LDLRAD4: variants seen among roughly 807,000 people sequenced by gnomAD.
LDLRAD4 encodes the protein low-density lipoprotein receptor class A domain-containing protein 4.
In LDLRAD4, 5 loss-of-function variants were observed where a neutral mutation model predicts 17.0. The ratio of observed to expected loss-of-function variants is 0.29; its 90% CI spans 0.15 to 0.62. The LOEUF is 0.62. Among genes scored for constraint, LDLRAD4 ranks in the 20% least tolerant of loss-of-function variants. The pLI, the probability that LDLRAD4 is intolerant of heterozygous loss-of-function variation, is 0.84. For synonymous variants in LDLRAD4, 168 were observed against 171.8 expected, an observed-to-expected ratio of 0.98 and a Z score of 0.17; for missense variants, 340 against 424.7, an observed-to-expected ratio of 0.80 and a Z score of 1.75.
At chr18:13,329,063 G>C (rs1264174644) in intron 1 of LDLRAD4, among the ~76,000 whole-genome samples, 1 of 152,158 alleles carries the variant, frequency 6.6e-6, no homozygotes, top group Non-Finnish European at 1.5e-5. Context: ...GGATACACCA[G>C]ATTTTTTAAC....
At chr18:13,230,249 T>TA (rs1324667786) in intron 1 of LDLRAD4, among the ~76,000 whole-genome samples, 1 of 152,118 alleles carries the variant, frequency 6.6e-6, no homozygotes, top group Admixed American at 6.5e-5. Context: ...CCACCAGAAC[T>TA]AGGAGCAACA....
chr18:13,277,385 G>A (rs1202685075), upstream of LDLRAD4, among the ~76,000 whole-genome samples: 2 of 152,162 alleles, frequency 1.3e-5, no homozygotes, highest in Non-Finnish European at 2.9e-5. Context: ...AGCTCGAGGC[G>A]GTCACCCGAG....
At chr18:13,566,240 C>T (rs1216324750) in intron 3 of LDLRAD4, among the ~76,000 whole-genome samples, 3 of 152,192 alleles carry the variant, frequency 2.0e-5, no homozygotes, top group African/African-American at 7.2e-5. Context: ...GGACAGTAAG[C>T]TATCCCTTGG....
At chr18:13,345,501 T>G (rs1285085311) in intron 1 of LDLRAD4, among the ~76,000 whole-genome samples, 1 of 152,190 alleles carries the variant, frequency 6.6e-6, no homozygotes, top group African/African-American at 2.4e-5. Context: ...TTATTGAGGA[T>G]TTTTGCATTG....
At chr18:13,301,845 G>C (rs898537689) in intron 1 of LDLRAD4, among the ~76,000 whole-genome samples, 1 of 152,148 alleles carries the variant, frequency 6.6e-6, no homozygotes, top group African/African-American at 2.4e-5. Flanking sequence ...TGAGGTGGGC[G>C]TCATTGGGCA....
intron 1 of LDLRAD4, among the ~76,000 whole-genome samples, chr18:13,357,935 AATT>A (rs544431533): frequency 7.1e-4 from 108 of 152,222 alleles, no homozygotes; most frequent in African/African-American, 2.3e-3. Flanking sequence ...GATCCATCAC[AATT>A]ATTATTATTA....
chr18:13,264,375 C>G (rs115420400), intron 1 of LDLRAD4, among the ~76,000 whole-genome samples: 9 of 152,198 alleles, frequency 5.9e-5, no homozygotes, highest in African/African-American at 2.2e-4. Flanking sequence ...GTCTGCAGAC[C>G]GTTAGACAGT....
intron 3 of LDLRAD4, among the ~76,000 whole-genome samples, chr18:13,499,157 C>T (rs188030925): frequency 3.3e-4 from 47 of 141,272 alleles, no homozygotes; most frequent in African/African-American, 6.6e-4. Flanking sequence ...CTCACACACA[C>T]GTCGCGCCGT....
At chr18:13,294,822 TA>T (rs11362104) in intron 1 of LDLRAD4, among the ~76,000 whole-genome samples, 31,595 of 134,828 alleles carry the variant, frequency 0.23, 3,287 homozygotes, top group Middle Eastern at 0.33. Flanking sequence ...TGTAAAATAG[TA>T]AAAAAAAAAA....
chr18:13,619,514 C>CTGG (rs1491433531), intron 3 of LDLRAD4, among the ~76,000 whole-genome samples: 2 of 11,344 alleles, frequency 1.8e-4, no homozygotes, highest in African/African-American at 5.2e-4. Context: ...GGGGGTGGGG[C>CTGG]CGGGGGGGGG....
At chr18:13,351,125 T>C (rs898449367) in intron 1 of LDLRAD4, among the ~76,000 whole-genome samples, 3 of 152,234 alleles carry the variant, frequency 2.0e-5, no homozygotes, top group Non-Finnish European at 2.9e-5. Flanking sequence ...TCTTTTTTGG[T>C]TCCATATGAA....
At chr18:13,284,432 G>A (rs929136323) in intron 1 of LDLRAD4, among the ~76,000 whole-genome samples, 13 of 152,114 alleles carry the variant, frequency 8.5e-5, no homozygotes, top group Admixed American at 2.6e-4. Flanking sequence ...ACTCAAATGC[G>A]CTAGCAGCTC....
chr18:13,530,937 A>G (rs2094118393), intron 3 of LDLRAD4, among the ~76,000 whole-genome samples: 1 of 152,194 alleles, frequency 6.6e-6, no homozygotes, highest in East Asian at 1.9e-4. Context: ...GAAGGACTAT[A>G]TTCTAAACAC....
At chr18:13,284,002 G>A (rs1389013201) in intron 1 of LDLRAD4, among the ~76,000 whole-genome samples, 1 of 152,144 alleles carries the variant, frequency 6.6e-6, no homozygotes, top group Non-Finnish European at 1.5e-5. Flanking sequence ...AATGGCACAG[G>A]AAAGGCCCTC....
At chr18:13,642,928 G>GTTTTTTTTTTTT (rs113846373) in intron 4 of LDLRAD4, among the ~76,000 whole-genome samples, 1 of 133,788 alleles carries the variant, frequency 7.5e-6, no homozygotes, top group African/African-American at 2.9e-5. Context: ...TCTATTTTTT[G>GTTTTTTTTTTTT]TTTTTTTTTT....
chr18:13,224,474 CTTTTTTTTTTT>C (rs10676168), intron 1 of LDLRAD4, among the ~76,000 whole-genome samples: 7 of 87,886 alleles, frequency 8.0e-5, no homozygotes, highest in East Asian at 3.5e-4. Context: ...TTCTTTCTTT[CTTTTTTTTTTT>C]TTTTTTTTTT....
intron 3 of LDLRAD4, among the ~76,000 whole-genome samples, chr18:13,494,910 A>G (rs958979151): frequency 1.3e-5 from 2 of 150,924 alleles, no homozygotes; most frequent in African/African-American, 4.9e-5. Context: ...TTGTTACACT[A>G]GTGAGAGGGA....
intron 3 of LDLRAD4, among the ~76,000 whole-genome samples, chr18:13,456,342 G>T (rs1163672606): frequency 6.6e-6 from 1 of 152,168 alleles, no homozygotes; most frequent in Non-Finnish European, 1.5e-5. Flanking sequence ...CCTGACCGGG[G>T]TGCCCTCTCT....
At chr18:13,612,672 A>G (rs766028315) in intron 3 of LDLRAD4, 1 of 1,613,802 alleles carries the variant, frequency 6.2e-7, no homozygotes, top group Non-Finnish European at 8.5e-7. Flanking sequence ...GGGCTGCGTC[A>G]CAGTTGGACT....
Sources: allele counts gnomAD v4.1 joint callset (sites outside exome capture counted in the v4.1 genomes callset), GRCh38; gene constraint gnomAD v4.1.1; transcripts MANE v1.5; gene names NCBI Gene and HGNC (gene_info 2026-07-23, HGNC 2026-07-21).